The following ATP10B variants were observed in gnomAD, a reference collection of about 807,000 sequenced individuals.
ATP10B encodes the protein phospholipid-transporting ATPase VB.
ATP10B carries 122 observed loss-of-function variants against 141.2 expected under a neutral mutation model. The observed-to-expected ratio is 0.86, with a 90% CI of 0.75 to 1.00. ATP10B has a LOEUF of 1.00. ATP10B is among the 50% of genes least tolerant of loss of function. The pLI, the probability that ATP10B is intolerant of heterozygous loss-of-function variation, is 0.00. For missense variants in ATP10B, 1,876 were observed against 1,825.3 expected, an observed-to-expected ratio of 1.03 and a Z score of -0.51; for synonymous variants, 685 against 692.0, an observed-to-expected ratio of 0.99 and a Z score of 0.16.
At chr5:160,816,697 A>C (rs993374505) in intron 1 of ATP10B, among the ~76,000 whole-genome samples, 3 of 152,110 alleles carry the variant, frequency 2.0e-5, no homozygotes, top group Admixed American at 6.6e-5. Flanking sequence ...GAGACACAAG[A>C]AAAAAAGAGA....
chr5:160,650,299 G>C (rs1029698655), intron 7 of ATP10B, among the ~76,000 whole-genome samples: 1 of 151,814 alleles, frequency 6.6e-6, no homozygotes, highest in Non-Finnish European at 1.5e-5. Flanking sequence ...TTAACAACGA[G>C]ATTCAGTGTT....
intron 6 of ATP10B, among the ~76,000 whole-genome samples, chr5:160,675,353 A>G (rs1762958740): frequency 6.6e-6 from 1 of 152,212 alleles, no homozygotes; most frequent in African/African-American, 2.4e-5. Flanking sequence ...GCCACGAGGA[A>G]AATTAAGTGG....
the ATP10B span, among the ~76,000 whole-genome samples, chr5:160,869,834 A>G: frequency 1.3e-5 from 2 of 152,202 alleles, no homozygotes; most frequent in Non-Finnish European, 2.9e-5. Flanking sequence ...TTAAAACTCC[A>G]GAAGGACCCT....
chr5:160,727,542 T>G lies in ATP10B; in HGVS notation c.-330-10508A>C, dbSNP rs529584001. Among the ~76,000 whole-genome samples the G allele has an allele frequency of 9.8e-5, 15 of 152,324 alleles. No individual in the cohort carries two copies. In the South Asian group the frequency reaches 2.9e-3, roughly 29 times the overall value. ...CTCTAAGCCCTTGGAATGTTATTCC[T>G]GAGGGTGTTTTCATTTTTATTTGCC... On this transcript the variant is annotated intron_variant, in intron 2 of 25. Coordinates refer to ENST00000327245, the MANE Select transcript of ATP10B (RefSeq NM_025153.3).
chr5:160,877,254 C>A, the ATP10B span, among the ~76,000 whole-genome samples: 2 of 150,060 alleles, frequency 1.3e-5, no homozygotes, highest in African/African-American at 2.4e-5. Flanking sequence ...AAATGTAATC[C>A]AGCATATAAA....
At chr5:160,874,014 G>A in the ATP10B span, among the ~76,000 whole-genome samples, 9 of 152,340 alleles carry the variant, frequency 5.9e-5, no homozygotes, top group South Asian at 6.2e-4. Flanking sequence ...CCAGAAGTTC[G>A]AACTGGGTGG....
intron 12 of ATP10B, 94 bp from the exon 13 acceptor site, chr5:160,632,461 T>C (rs1759003774): frequency 8.4e-7 from 1 of 1,191,492 alleles, no homozygotes; most frequent in Non-Finnish European, 1.2e-6. Flanking sequence ...GGTAAGAGCA[T>C]GGGAAGGGCC....
At chr5:160,905,886 GA>G in the ATP10B span, among the ~76,000 whole-genome samples, 22 of 149,112 alleles carry the variant, frequency 1.5e-4, no homozygotes, top group Middle Eastern at 3.5e-3. Context: ...TCACTGGCCT[GA>G]AAAAAAAAAT....
chr5:160,607,458 G>T (rs7703199), intron 18 of ATP10B, among the ~76,000 whole-genome samples: 2,275 of 152,266 alleles, frequency 0.015, 64 homozygotes, highest in African/African-American at 0.05. Flanking sequence ...GTTCCCCTTT[G>T]TTCCTCAGAA....
At chr5:160,873,179 G>A in the ATP10B span, among the ~76,000 whole-genome samples, 22 of 148,792 alleles carry the variant, frequency 1.5e-4, no homozygotes, top group Middle Eastern at 3.4e-3. Context: ...GATTCTCTGC[G>A]GTCTCTTGTT....
chr5:160,928,080 G>T, the ATP10B span, among the ~76,000 whole-genome samples: 1 of 152,160 alleles, frequency 6.6e-6, no homozygotes, highest in Non-Finnish European at 1.5e-5. Context: ...TGAGGGTGGG[G>T]AGAGGGCCAG....
At chr5:160,900,636 G>A in the ATP10B span, among the ~76,000 whole-genome samples, 2 of 152,264 alleles carry the variant, frequency 1.3e-5, no homozygotes, top group African/African-American at 2.4e-5. Flanking sequence ...ATGTAGAAGT[G>A]CATTAAATGG....
At chr5:160,679,952 A>G (rs1437804568) in intron 6 of ATP10B, among the ~76,000 whole-genome samples, 2 of 152,208 alleles carry the variant, frequency 1.3e-5, no homozygotes, top group East Asian at 1.9e-4. Flanking sequence ...AACTAATACA[A>G]TTCTGAAGCT....
chr5:160,706,495 T>A (rs531904130), intron 3 of ATP10B, among the ~76,000 whole-genome samples: 1 of 152,240 alleles, frequency 6.6e-6, no homozygotes, highest in African/African-American at 2.4e-5. Context: ...TAAAATGAGG[T>A]CCCCACTGTG....
At chr5:160,579,408 A>T (rs1755406377) in intron 24 of ATP10B, among the ~76,000 whole-genome samples, 1 of 152,216 alleles carries the variant, frequency 6.6e-6, no homozygotes, top group South Asian at 2.1e-4. Context: ...TCCCAACACC[A>T]TTTATTAAAT....
intron 2 of ATP10B, among the ~76,000 whole-genome samples, chr5:160,768,195 A>T (rs1221438242): frequency 6.6e-6 from 1 of 152,154 alleles, no homozygotes; most frequent in Non-Finnish European, 1.5e-5. Context: ...AATTTACTGT[A>T]TGTCTAGAAT....
At chr5:160,646,175 G>C (rs76587096) in intron 8 of ATP10B, among the ~76,000 whole-genome samples, 5,750 of 152,160 alleles carry the variant, frequency 0.038, 118 homozygotes, top group African/African-American at 0.064. Flanking sequence ...CTAGGTCACA[G>C]ACACCCACCC....
At chr5:160,867,414 A>C in the ATP10B span, among the ~76,000 whole-genome samples, 1 of 152,100 alleles carries the variant, frequency 6.6e-6, no homozygotes, top group African/African-American at 2.4e-5. Flanking sequence ...AAGACTTAAA[A>C]ATAATTCAAG....
chr5:160,868,041 G>A, the ATP10B span, among the ~76,000 whole-genome samples: 59 of 152,206 alleles, frequency 3.9e-4, no homozygotes, highest in Middle Eastern at 3.4e-3. Context: ...AAAATCCTGA[G>A]CAACATAGTG....
Sources: gnomAD v4.1 joint callset for allele counts (sites outside exome capture counted in the v4.1 genomes callset) on GRCh38, gnomAD v4.1.1 for gene constraint, MANE v1.5 for transcripts, NCBI Gene and HGNC (gene_info 2026-07-23, HGNC 2026-07-21) for gene names.